Variants in ASTN2 observed in about 807,000 individuals in gnomAD.
The protein encoded by ASTN2 is astrotactin-2.
In ASTN2, 54 loss-of-function variants were observed where a neutral mutation model predicts 139.8. That is an observed-to-expected ratio of 0.39 (90% confidence interval 0.31 to 0.48). The LOEUF is 0.48. Among genes scored for constraint, ASTN2 ranks in the 20% least tolerant of loss-of-function variants. The pLI is 0.95. For missense variants in ASTN2, 1,565 were observed against 1,725.1 expected (o/e 0.91, Z 1.64); for synonymous variants, 756 against 719.5 (o/e 1.05, Z -0.81).
At chr9:117,071,282 A>ATGAC (rs1490068240) in intron 5 of ASTN2, among the ~76,000 whole-genome samples, 1 of 151,400 alleles carries the variant, frequency 6.6e-6, no homozygotes, top group Admixed American at 6.6e-5. Flanking sequence ...GTGAGGTGTC[A>ATGAC]GTGTGCCCCT....
chr9:116,544,539 T>C (rs1852010430), intron 19 of ASTN2, among the ~76,000 whole-genome samples: 1 of 152,232 alleles, frequency 6.6e-6, no homozygotes, highest in African/African-American at 2.4e-5. Flanking sequence ...ATTTGGGTTC[T>C]TCTATTTATG....
intron 12 of ASTN2, among the ~76,000 whole-genome samples, chr9:116,817,163 A>G (rs1364356285): frequency 1.3e-5 from 2 of 151,920 alleles, no homozygotes; most frequent in Admixed American, 6.6e-5. Context: ...GTGTGGTGGC[A>G]CGCACCTATA....
chr9:116,450,605 G>A (rs917211266), intron 20 of ASTN2, among the ~76,000 whole-genome samples: 2 of 152,102 alleles, frequency 1.3e-5, no homozygotes, highest in African/African-American at 4.8e-5. Context: ...TGGGCAAGTT[G>A]GGCTGGAGAG....
intron 10 of ASTN2, among the ~76,000 whole-genome samples, chr9:116,891,888 G>A (rs1833771083): frequency 1.3e-5 from 2 of 152,130 alleles, no homozygotes; most frequent in Non-Finnish European, 2.9e-5. Flanking sequence ...TACAAACAAA[G>A]CATTTAGAGC....
intron 10 of ASTN2, among the ~76,000 whole-genome samples, chr9:116,866,337 C>T (rs1404381020): frequency 3.3e-5 from 5 of 152,192 alleles, no homozygotes; most frequent in Non-Finnish European, 5.9e-5. Context: ...ACTCTGGGTC[C>T]CCATTCCAAA....
intron 11 of ASTN2, among the ~76,000 whole-genome samples, chr9:116,846,691 G>A (rs902639548): frequency 6.6e-6 from 1 of 152,238 alleles, no homozygotes; most frequent in South Asian, 2.1e-4. Flanking sequence ...TTCTCTGGCC[G>A]TCAATCTTCC....
At chr9:117,321,460 T>A (rs1176940379) in intron 1 of ASTN2, among the ~76,000 whole-genome samples, 1 of 152,186 alleles carries the variant, frequency 6.6e-6, no homozygotes, top group Non-Finnish European at 1.5e-5. Context: ...ACTCCCACCA[T>A]TCTTTGCTAA....
At chr9:116,936,085 TACCACCACCA>T (rs1564348774) in intron 10 of ASTN2, among the ~76,000 whole-genome samples, 4 of 330 alleles carry the variant, frequency 0.012, no homozygotes, top group African/African-American at 0.019. Context: ...CCATCACCAC[TACCACCACCA>T]CACCACTACC....
chr9:117,059,418 C>A (rs1318874725), intron 5 of ASTN2, among the ~76,000 whole-genome samples: 1 of 151,910 alleles, frequency 6.6e-6, no homozygotes, highest in African/African-American at 2.4e-5. Flanking sequence ...TCGAGAGCAG[C>A]CTGACCAACA....
At chr9:117,166,357 G>A (rs950646650) in intron 3 of ASTN2, among the ~76,000 whole-genome samples, 73 of 152,088 alleles carry the variant, frequency 4.8e-4, no homozygotes, top group Admixed American at 3.9e-3. Flanking sequence ...CATCCTTTCC[G>A]TTGTAGTCAA....
chr9:117,116,607 A>G (rs1361393345), intron 4 of ASTN2, among the ~76,000 whole-genome samples: 1 of 150,490 alleles, frequency 6.6e-6, no homozygotes, highest in Non-Finnish European at 1.5e-5. Flanking sequence ...ATTCTGCACA[A>G]TGCTAGTCTA....
rs1340651057 is a variant in ASTN2 at position 117,154,828 on chromosome 9, G to A, written c.1016-13350C>T. Among the ~76,000 whole-genome samples the A allele has an allele frequency of 5.9e-5, 9 of 151,974 alleles. 1 individual carries two copies. In the South Asian group the frequency reaches 1.9e-3, roughly 32 times the overall value. ...TCAGTTGTCCTTTGTTTACTTAATG[G>A]GGATAAAGATATATATAATAAGGAT... On this transcript the variant is annotated intron_variant, in intron 3 of 22. Coordinates refer to ENST00000313400, the MANE Select transcript of ASTN2 (RefSeq NM_001365068.1).
At chr9:116,848,011 G>A (rs1832491170) in intron 11 of ASTN2, among the ~76,000 whole-genome samples, 1 of 152,164 alleles carries the variant, frequency 6.6e-6, no homozygotes, top group Admixed American at 6.5e-5. Flanking sequence ...CAGTGAAGGA[G>A]CTCTCTCTGT....
At chr9:116,817,491 G>A (rs1390229022) in intron 12 of ASTN2, among the ~76,000 whole-genome samples, 1 of 152,122 alleles carries the variant, frequency 6.6e-6, no homozygotes, top group Non-Finnish European at 1.5e-5. Flanking sequence ...AAAGAGACAG[G>A]AGACAGAGGG....
chr9:116,460,164 G>A (rs1848443927), intron 20 of ASTN2, among the ~76,000 whole-genome samples: 1 of 152,086 alleles, frequency 6.6e-6, no homozygotes, highest in Non-Finnish European at 1.5e-5. Flanking sequence ...GACATATATT[G>A]CATGATTCCA....
At chr9:116,562,049 G>A (rs1852941840) in intron 19 of ASTN2, 1 of 152,220 alleles carries the variant, frequency 6.6e-6, no homozygotes, top group Admixed American at 6.5e-5. Flanking sequence ...AGGCGATGAA[G>A]CTAGAGTGAA....
chr9:117,295,756 A>G (rs935772570), intron 1 of ASTN2, among the ~76,000 whole-genome samples: 5 of 152,056 alleles, frequency 3.3e-5, no homozygotes, highest in Admixed American at 1.3e-4. Context: ...AATTAAAAAA[A>G]AAAAAGAAGA....
chr9:116,910,437 C>G (rs1001451686), intron 10 of ASTN2, among the ~76,000 whole-genome samples: 2 of 152,158 alleles, frequency 1.3e-5, no homozygotes, highest in Non-Finnish European at 2.9e-5. Flanking sequence ...TCATGACAAC[C>G]AAAAATGTTT....
chr9:116,566,968 C>T (rs73655407), intron 19 of ASTN2, among the ~76,000 whole-genome samples: 24,124 of 152,140 alleles, frequency 0.16, 2,086 homozygotes, highest in African/African-American at 0.21. Flanking sequence ...TCCCTTAATA[C>T]AATCCTTTGA....
Sources: gnomAD v4.1 joint callset for allele counts (sites outside exome capture counted in the v4.1 genomes callset) on GRCh38, gnomAD v4.1.1 for gene constraint, MANE v1.5 for transcripts, NCBI Gene and HGNC (gene_info 2026-07-23, HGNC 2026-07-21) for gene names.